C2CD3: variants seen among roughly 807,000 people sequenced by gnomAD.
The protein encoded by C2CD3 is C2 domain containing 3 centriole elongation regulator.
Under a neutral mutation model 234.0 loss-of-function variants are expected in C2CD3, and 148 were observed. The ratio of observed to expected loss-of-function variants is 0.63; its 90% CI spans 0.55 to 0.72. The LOEUF is 0.72. Ranked by LOEUF, C2CD3 falls within the 30% of genes least tolerant of loss-of-function variation. C2CD3 has a pLI of 0.00. For missense variants in C2CD3, 2,577 were observed against 2,811.5 expected (o/e 0.92, Z 1.89); for synonymous variants, 1,000 against 1,035.4 (o/e 0.97, Z 0.66).
rs765271548 is a variant in C2CD3 at position 74,093,816 on chromosome 11, C to A, written c.3344G>T (p.Arg1115Ile). 1.2e-6 allele frequency: 2 copies of A among 1,613,352 alleles called. No homozygotes were observed. The highest frequency in any genetic ancestry group is 1.7e-6 in the Non-Finnish European group (2 of 1,179,610). ...GGGVQFEIWC[R>I]YYYPNVRDQK... ...TAGGACTGGGGTCTCCACACTGTAC[C>A]TGCACCAGATTTCAAACTGGACTCC... is the stretch of plus-strand genomic sequence containing the variant. Residue 1115 changes from arginine to isoleucine, a missense_variant and splice_region_variant, in exon 18 of 33, where the codon AGA (arginine) becomes ATA (isoleucine). Arg to Ile is a moderately conservative substitution (Grantham distance 97). Transcript: ENST00000334126.
In C2CD3 at chr11:74,042,048, C is replaced by T; in HGVS notation, c.5660+6G>A. 1 of 1,613,312 alleles carries T rather than the reference C, an allele frequency of 6.2e-7. No individual in the cohort carries two copies. Among genetic ancestry groups the T allele is most frequent in the Non-Finnish European group, 8.5e-7 (1 of 1,179,558 alleles). On this transcript the variant is annotated splice_donor_region_variant and intron_variant, in intron 29 of 32. Coordinates refer to ENST00000334126, the MANE Select transcript of C2CD3 (RefSeq NM_001286577.2). ...TTTCCTGTGTCTTTTCTCAGTAGAG[C>T]CTCACCTGAGAGAAGTCAGAATGGA...
At chr11:74,134,630 G>A (rs777766290) in intron 5 of C2CD3, among the ~76,000 whole-genome samples, 10 of 152,168 alleles carry the variant, frequency 6.6e-5, no homozygotes, top group South Asian at 6.2e-4. Flanking sequence ...TGCTTAGAAA[G>A]TGCCCAACTC....
chr11:74,028,619 A>G, intron 31 of C2CD3, among the ~76,000 whole-genome samples: 1 of 152,196 alleles, frequency 6.6e-6, no homozygotes, highest in East Asian at 1.9e-4. Context: ...GGCCTCCTCT[A>G]GGAAGCTTTC....
chr11:74,089,799 A>G (rs1003031293), intron 20 of C2CD3, among the ~76,000 whole-genome samples: 3 of 152,256 alleles, frequency 2.0e-5, no homozygotes, highest in East Asian at 3.8e-4. Context: ...TTGAAACAGA[A>G]TATGTGCTAC....
At chr11:74,128,155 G>A (rs533516214) in intron 7 of C2CD3, among the ~76,000 whole-genome samples, 4 of 152,134 alleles carry the variant, frequency 2.6e-5, no homozygotes, top group Non-Finnish European at 4.4e-5. Context: ...GAGCCACCAC[G>A]CCCAGCCATA....
At chr11:74,121,383 G>C (rs553866060) in intron 8 of C2CD3, among the ~76,000 whole-genome samples, 35 of 152,060 alleles carry the variant, frequency 2.3e-4, no homozygotes, top group African/African-American at 8.4e-4. Context: ...GAGGTGCGCG[G>C]ACCACTTGAA....
intron 8 of C2CD3, 41 bp downstream of exon 8, chr11:74,122,947 T>C (rs746218318): frequency 1.4e-5 from 22 of 1,541,380 alleles, no homozygotes; most frequent in Non-Finnish European, 2.0e-5. Flanking sequence ...TATTAATACA[T>C]TTGTTCTCTA....
intron 8 of C2CD3, among the ~76,000 whole-genome samples, chr11:74,119,911 C>A (rs1957155694): frequency 6.6e-6 from 1 of 152,130 alleles, no homozygotes; most frequent in Non-Finnish European, 1.5e-5. Context: ...GCTGGGATTA[C>A]AGGCATGAGC....
chr11:74,133,364 A>T, intron 6 of C2CD3, 61 bp downstream of exon 6: 1 of 1,494,006 alleles, frequency 6.7e-7, no homozygotes, highest in Non-Finnish European at 9.3e-7. Flanking sequence ...CTTGACAAAA[A>T]ACACAGGTTA....
chr11:74,059,627 A>C (rs553870246), intron 24 of C2CD3, among the ~76,000 whole-genome samples: 1 of 152,118 alleles, frequency 6.6e-6, no homozygotes, highest in Admixed American at 6.5e-5. Context: ...ATTCCTGTCC[A>C]CATGCAGTTT....
Position 74,150,524 on chromosome 11 carries a change from AAACAAAAC to A in C2CD3, c.484-10704_484-10697del, listed in dbSNP as rs1855562457. ...AAAAAAAAAAAAAAAAACAAAAAAA[AAACAAAAC>A]AAATTTCTAAGCTTTTTAAAACATA... is the stretch of plus-strand genomic sequence containing the variant. On this transcript the variant is annotated intron_variant, in intron 3 of 32. Transcript: ENST00000334126. Among the ~76,000 whole-genome samples the A allele has an allele frequency of 6.2e-4, 37 of 59,728 alleles. 1 individual carries two copies. Among genetic ancestry groups the A allele is most frequent in the African/African-American group, 1.6e-3 (21 of 12,988 alleles). The allele number at this position is 59,728 out of a possible 152,430, so 39.2% of individuals were successfully genotyped here. A position where few individuals can be genotyped will look rare whatever the true frequency, so the allele number is the denominator to read the frequency against.
intron 3 of C2CD3, among the ~76,000 whole-genome samples, chr11:74,143,286 A>G (rs1225696580): frequency 6.6e-6 from 1 of 152,186 alleles, no homozygotes; most frequent in Admixed American, 6.6e-5. Context: ...CAAATTAGTA[A>G]GTATAATTTT....
At chr11:74,147,628 T>C (rs1167956167) in intron 3 of C2CD3, among the ~76,000 whole-genome samples, 1 of 152,214 alleles carries the variant, frequency 6.6e-6, no homozygotes, top group Admixed American at 6.5e-5. Context: ...ACTGGTCAAA[T>C]ACAGGGCCAT....
intron 1 of C2CD3, among the ~76,000 whole-genome samples, chr11:74,169,698 T>A (rs1857035481): frequency 6.6e-6 from 1 of 152,240 alleles, no homozygotes; most frequent in South Asian, 2.1e-4. Flanking sequence ...ATATTATTTC[T>A]ACTTTGACTT....
rs1054491022 is a variant in C2CD3, at chr11:74,033,587, T to A, written c.6573A>T (p.Gly2191=). 1.2e-5 allele frequency: 19 copies of A among 1,536,060 alleles called. No individual in the cohort carries two copies. The highest frequency in any genetic ancestry group is 1.5e-5 in the Non-Finnish European group (17 of 1,146,898). Residue 2191 remains glycine, a synonymous_variant, in exon 31 of 33, where the codon GGA becomes GGT. Coordinates refer to ENST00000334126, the MANE Select transcript of C2CD3 (RefSeq NM_001286577.2). The stretch of plus-strand genomic sequence containing the variant: ...TCTGATCTGTCTGTGGTGAGCTCCA[T>A]CCAACAAACGTGCTGCTCTGTTGAG... ...SGAQQSSTFV[G]WSSPQTDQNK...
intron 3 of C2CD3, among the ~76,000 whole-genome samples, chr11:74,160,305 C>T (rs1856369363): frequency 6.6e-6 from 1 of 152,156 alleles, no homozygotes; most frequent in South Asian, 2.1e-4. Flanking sequence ...TTTATCACAG[C>T]ACTATTCACA....
rs763520995 is a variant in C2CD3 at position 74,092,542 on chromosome 11, A to G, written c.3391T>C (p.Leu1131=). Residue 1131 remains leucine (L), a synonymous_variant, in exon 19 of 33, where the codon TTG becomes CTG. Transcript: ENST00000334126. ...ATAGCACAGATCCTTGATAATGGCA[A>G]GGTTCCTTTGGCGACCTTCTGGTCT... ...VRDQKVAKGT[L]PLSRICAMVT... 2.5e-6 allele frequency: 4 copies of G among 1,613,866 alleles called. No individual in the cohort carries two copies. The East Asian group carries it at 8.9e-5, about 36-fold the overall frequency.
At chr11:74,063,869 C>G (rs913330625) in intron 24 of C2CD3, among the ~76,000 whole-genome samples, 1 of 152,070 alleles carries the variant, frequency 6.6e-6, no homozygotes, top group Admixed American at 6.6e-5. Context: ...TTAGAAAACC[C>G]CATCGTCTCA....
chr11:74,127,789 G>A (rs776351320), intron 7 of C2CD3, among the ~76,000 whole-genome samples: 8 of 152,126 alleles, frequency 5.3e-5, no homozygotes, highest in Non-Finnish European at 8.8e-5. Context: ...TTTGACTTTA[G>A]TGGGTGTGAA....
Sources: allele counts gnomAD v4.1 joint callset (sites outside exome capture counted in the v4.1 genomes callset), GRCh38; gene constraint gnomAD v4.1.1; transcripts MANE v1.5; gene names NCBI Gene and HGNC (gene_info 2026-07-23, HGNC 2026-07-21).